PPFIBP2: variants seen among roughly 807,000 people sequenced by gnomAD.
PPFIBP2 encodes liprin-beta-2.
In PPFIBP2, 118 loss-of-function variants were observed where a neutral mutation model predicts 118.3. That is an observed-to-expected ratio of 1.00 (90% CI 0.86 to 1.16). PPFIBP2 has a LOEUF of 1.16. PPFIBP2 is among the 50% of genes most tolerant of loss of function. The probability of loss-of-function intolerance (pLI) is 0.00; values close to 1 mark genes in which losing one functional copy is unlikely to be tolerated. For missense variants in PPFIBP2, 1,195 were observed against 1,073.1 expected, an observed-to-expected ratio of 1.11 and a Z score of -1.59; for synonymous variants, 414 against 397.4, an observed-to-expected ratio of 1.04 and a Z score of -0.50.
intron 3 of PPFIBP2, among the ~76,000 whole-genome samples, chr11:7,592,179 G>C (rs1425029657): frequency 1.3e-5 from 2 of 152,124 alleles, no homozygotes; most frequent in African/African-American, 4.8e-5. Flanking sequence ...CCTCTGGGTG[G>C]CCTATTGCAG....
chr11:7,549,598 C>G, intron 2 of PPFIBP2, 59 bp downstream of exon 2: 1 of 1,317,244 alleles, frequency 7.6e-7, no homozygotes, highest in Non-Finnish European at 1.0e-6. Context: ...GGAACTGCTT[C>G]TCTCCTTTTA....
intron 1 of PPFIBP2, among the ~76,000 whole-genome samples, chr11:7,516,135 A>G (rs563000787): frequency 6.6e-6 from 1 of 152,346 alleles, no homozygotes; most frequent in South Asian, 2.1e-4. Flanking sequence ...AAGTTCCCCC[A>G]GGTGATTCTG....
At chr11:7,635,624 T>C (rs763963045) in intron 14 of PPFIBP2, 31 bp downstream of exon 14, 19 of 1,578,862 alleles carry the variant, frequency 1.2e-5, no homozygotes, top group Non-Finnish European at 1.3e-5. Context: ...GTCGTCTATT[T>C]GTGGTTACAC....
chr11:7,515,959 T>C (rs1849194019), intron 1 of PPFIBP2, among the ~76,000 whole-genome samples: 1 of 152,112 alleles, frequency 6.6e-6, no homozygotes, highest in South Asian at 2.1e-4. Flanking sequence ...AGGTCAGGGG[T>C]GGGACTTGAC....
In PPFIBP2 at chr11:7,625,866, C is replaced by G. The variant is rs200670437; in HGVS notation, c.801C>G (p.Leu267=). The part of the protein sequence containing the change: ...LHSQLSRTAA[L]HSESHTERDQ... ...GCCAGCTCTCCCGGACAGCAGCTCT[C>G]CACAGTGAGAGTCACACAGAGAGAG... is the stretch of plus-strand genomic sequence containing the variant. The change falls in exon 8 of 24, where the codon CTC becomes CTG. Residue 267 remains leucine (L), a synonymous_variant. Transcript: ENST00000299492. 1 of 1,614,216 alleles carries G rather than the reference C, an allele frequency of 6.2e-7. No individual in the cohort carries two copies. The highest frequency in any genetic ancestry group is 1.3e-5 in the African/African-American group (1 of 75,070).
At chr11:7,528,111 A>G (rs542661966) in intron 1 of PPFIBP2, among the ~76,000 whole-genome samples, 44 of 152,292 alleles carry the variant, frequency 2.9e-4, no homozygotes, top group African/African-American at 9.9e-4. Context: ...TCTTGCCACT[A>G]TGTTTAGAGT....
At chr11:7,647,630 A>G (rs6578890) in intron 17 of PPFIBP2, among the ~76,000 whole-genome samples, 81,297 of 152,028 alleles carry the variant, frequency 0.53, 22,643 homozygotes, top group Non-Finnish European at 0.6. Flanking sequence ...TTAGAAAATT[A>G]TTGATCTTTG....
chr11:7,562,948 T>TATATATATATATATATATATATAC (rs1854488073), intron 2 of PPFIBP2, among the ~76,000 whole-genome samples: 1 of 29,808 alleles, frequency 3.4e-5, no homozygotes, highest in South Asian at 7.3e-4. Flanking sequence ...TATATATATA[T>TATATATATATATATATATATATAC]ATATATATAT....
chr11:7,573,568 C>T (rs1467112574), intron 3 of PPFIBP2, among the ~76,000 whole-genome samples: 1 of 152,198 alleles, frequency 6.6e-6, no homozygotes, highest in Non-Finnish European at 1.5e-5. Flanking sequence ...TATTTGCCAT[C>T]TGGCGCTTTA....
intron 6 of PPFIBP2, chr11:7,617,246 C>T (rs111259511): frequency 0.038 from 37,294 of 985,334 alleles, 778 homozygotes; most frequent in Middle Eastern, 0.052. Context: ...ACGGTGTGGC[C>T]GAGCCCCAGC....
At chr11:7,644,100 C>T (rs1040921471) in intron 17 of PPFIBP2, among the ~76,000 whole-genome samples, 1 of 145,556 alleles carries the variant, frequency 6.9e-6, no homozygotes, top group African/African-American at 2.5e-5. Flanking sequence ...TGTGAATTAT[C>T]TGCATTTTTG....
chr11:7,667,005 G>A, the PPFIBP2 span: 5 of 152,740 alleles, frequency 3.3e-5, no homozygotes, highest in African/African-American at 1.2e-4. Flanking sequence ...TGAAGGAGAG[G>A]AAAACAGTCT....
chr11:7,631,155 A>G (rs1850710255), intron 11 of PPFIBP2, 127 bp downstream of exon 11: 1 of 690,832 alleles, frequency 1.4e-6, no homozygotes, highest in East Asian at 2.8e-5. Context: ...AAATTAATAT[A>G]GTGCCCCTCA....
chr11:7,595,572 T>G (rs1276672577), intron 4 of PPFIBP2, among the ~76,000 whole-genome samples: 1 of 152,214 alleles, frequency 6.6e-6, no homozygotes, highest in Non-Finnish European at 1.5e-5. Flanking sequence ...AAGTCAGAAG[T>G]TGACCCTAGT....
intron 6 of PPFIBP2, among the ~76,000 whole-genome samples, chr11:7,612,559 T>A (rs1373870710): frequency 6.6e-6 from 1 of 152,260 alleles, no homozygotes; most frequent in Admixed American, 6.5e-5. Flanking sequence ...GTCATTTTAC[T>A]GTTTGCTTTT....
chr11:7,573,235 C>T (rs1216207321), intron 3 of PPFIBP2, among the ~76,000 whole-genome samples: 1 of 152,214 alleles, frequency 6.6e-6, no homozygotes, highest in Non-Finnish European at 1.5e-5. Context: ...TTTACTAGAA[C>T]CCCCTCAGGT....
At chr11:7,656,511 T>C (rs1244707167), downstream of PPFIBP2, among the ~76,000 whole-genome samples, 2 of 152,224 alleles carry the variant, frequency 1.3e-5, no homozygotes, top group Non-Finnish European at 2.9e-5. Flanking sequence ...GGCCTGAAAA[T>C]AGAAAATTTA....
intron 14 of PPFIBP2, among the ~76,000 whole-genome samples, chr11:7,638,091 G>A (rs762178996): frequency 2.0e-5 from 3 of 152,208 alleles, no homozygotes; most frequent in Non-Finnish European, 4.4e-5. Context: ...CTCACAGTCA[G>A]TGGTTCCTGG....
chr11:7,560,013 T>TGA (rs1564973165), intron 2 of PPFIBP2, among the ~76,000 whole-genome samples: 4 of 152,238 alleles, frequency 2.6e-5, no homozygotes, highest in Non-Finnish European at 5.9e-5. Flanking sequence ...GAGTATGTCC[T>TGA]GTTTCCAGAA....
Sources: allele counts gnomAD v4.1 joint callset (sites outside exome capture counted in the v4.1 genomes callset), GRCh38; gene constraint gnomAD v4.1.1; transcripts MANE v1.5; gene names NCBI Gene and HGNC (gene_info 2026-07-23, HGNC 2026-07-21).